SLC30A8: variants seen among roughly 807,000 people sequenced by gnomAD.
SLC30A8 encodes the protein solute carrier family 30 member 8, also known as proton-coupled zinc antiporter SLC30A8.
A neutral mutation model predicts 36.9 loss-of-function variants in SLC30A8; 27 were observed. The observed-to-expected ratio is 0.73, with a 90% CI of 0.54 to 1.01. The LOEUF is 1.01. SLC30A8 is among the 50% of genes least tolerant of loss of function. SLC30A8 has a pLI of 0.00. For synonymous variants in SLC30A8, 164 were observed against 172.4 expected, an observed-to-expected ratio of 0.95 and a Z score of 0.38; for missense variants, 439 against 452.0, an observed-to-expected ratio of 0.97 and a Z score of 0.26.
intron 2 of SLC30A8, among the ~76,000 whole-genome samples, chr8:117,058,089 G>A (rs1817924156): frequency 6.6e-6 from 1 of 152,122 alleles, no homozygotes; most frequent in Admixed American, 6.5e-5. Context: ...ACCCTAACAG[G>A]TGCAAGAAGA....
chr8:117,030,435 T>C (rs1817007527), intron 1 of SLC30A8, among the ~76,000 whole-genome samples: 1 of 152,168 alleles, frequency 6.6e-6, no homozygotes, highest in Non-Finnish European at 1.5e-5. Context: ...ATCTTTCTCT[T>C]TGTGTAAATT....
chr8:117,058,272 A>T (rs888058621), intron 2 of SLC30A8, among the ~76,000 whole-genome samples: 7 of 152,082 alleles, frequency 4.6e-5, no homozygotes, highest in African/African-American at 1.4e-4. Context: ...AATTCCTTAT[A>T]TATTTTGCAT....
chr8:116,972,185 C>T (rs1218403399), intron 1 of SLC30A8, among the ~76,000 whole-genome samples: 1 of 152,198 alleles, frequency 6.6e-6, no homozygotes, highest in Non-Finnish European at 1.5e-5. Context: ...ACACCTCACC[C>T]TCTAACCATT....
At chr8:117,043,945 T>A (rs1666693480) in intron 2 of SLC30A8, among the ~76,000 whole-genome samples, 1 of 152,338 alleles carries the variant, frequency 6.6e-6, no homozygotes, top group Non-Finnish European at 1.5e-5. Context: ...GTAAACTAAG[T>A]CAGATGGAGA....
At chr8:117,087,067 CAT>C (rs1280236067) in intron 2 of SLC30A8, among the ~76,000 whole-genome samples, 6 of 152,322 alleles carry the variant, frequency 3.9e-5, no homozygotes, top group East Asian at 1.9e-4. Context: ...CTATGGAAAA[CAT>C]ATTCTAACAC....
intron 2 of SLC30A8, among the ~76,000 whole-genome samples, chr8:117,046,971 T>C (rs894650821): frequency 6.6e-6 from 1 of 152,256 alleles, no homozygotes; most frequent in Non-Finnish European, 1.5e-5. Flanking sequence ...CTCATTTGTT[T>C]GTTTGAATGT....
intron 2 of SLC30A8, among the ~76,000 whole-genome samples, chr8:117,040,794 C>T (rs1817359524): frequency 6.6e-6 from 1 of 152,092 alleles, no homozygotes; most frequent in Non-Finnish European, 1.5e-5. Context: ...AAAGTGTAAT[C>T]CATGAACCAG....
At chr8:117,076,307 T>G (rs573363207) in intron 2 of SLC30A8, among the ~76,000 whole-genome samples, 1 of 152,316 alleles carries the variant, frequency 6.6e-6, no homozygotes, top group Non-Finnish European at 1.5e-5. Flanking sequence ...AGAAGTCTAT[T>G]TTTCTGTATT....
intron 2 of SLC30A8, among the ~76,000 whole-genome samples, chr8:117,077,887 T>G (rs1178731893): frequency 6.6e-6 from 1 of 152,228 alleles, no homozygotes; most frequent in Non-Finnish European, 1.5e-5. Context: ...AAACTTGGTT[T>G]TTGATATGGA....
intron 1 of SLC30A8, among the ~76,000 whole-genome samples, chr8:117,000,782 G>A (rs973337982): frequency 2.6e-5 from 4 of 152,138 alleles, no homozygotes; most frequent in Admixed American, 2.6e-4. Context: ...AAATCTTGAC[G>A]TTACTACACG....
upstream of SLC30A8, among the ~76,000 whole-genome samples, chr8:117,131,846 T>G (rs1216405944): frequency 6.6e-6 from 1 of 152,004 alleles, no homozygotes; most frequent in Non-Finnish European, 1.5e-5. Context: ...CTCTGTAAGA[T>G]GGATTCGATT....
chr8:117,051,657 C>T (rs915243797), intron 2 of SLC30A8, among the ~76,000 whole-genome samples: 2 of 151,872 alleles, frequency 1.3e-5, no homozygotes, highest in South Asian at 2.1e-4. Context: ...ACTAAAAATA[C>T]AAAAAATTAG....
intron 2 of SLC30A8, among the ~76,000 whole-genome samples, chr8:117,118,319 C>A (rs1820542858): frequency 6.6e-6 from 1 of 151,882 alleles, no homozygotes; most frequent in Non-Finnish European, 1.5e-5. Flanking sequence ...TTCTCTTCAA[C>A]TTTTGACATA....
chr8:117,114,830 G>A (rs1277015441), intron 2 of SLC30A8, among the ~76,000 whole-genome samples: 1 of 152,080 alleles, frequency 6.6e-6, no homozygotes, highest in Admixed American at 6.6e-5. Flanking sequence ...AAATGGGAAT[G>A]TAGAGATCTG....
At chr8:117,020,816 C>T (rs1187750665) in intron 1 of SLC30A8, among the ~76,000 whole-genome samples, 1 of 152,068 alleles carries the variant, frequency 6.6e-6, no homozygotes, top group Non-Finnish European at 1.5e-5. Flanking sequence ...AACGTTATGA[C>T]CCTTCTCTCT....
At chr8:117,040,140 G>T (rs1010316458) in intron 2 of SLC30A8, among the ~76,000 whole-genome samples, 2 of 152,300 alleles carry the variant, frequency 1.3e-5, no homozygotes. Flanking sequence ...GTCTTCAGAG[G>T]TCATTTTCCT....
chr8:117,125,086 G>A (rs1244021677), intron 2 of SLC30A8, among the ~76,000 whole-genome samples: 1 of 151,954 alleles, frequency 6.6e-6, no homozygotes, highest in Non-Finnish European at 1.5e-5. Context: ...AAAATAATTT[G>A]ATATGCATCT....
intron 1 of SLC30A8, among the ~76,000 whole-genome samples, chr8:116,957,254 C>T (rs1814243574): frequency 6.6e-6 from 1 of 151,988 alleles, no homozygotes; most frequent in African/African-American, 2.4e-5. Flanking sequence ...TTATGGGCAG[C>T]ACCATTCTTT....
chr8:117,161,653 C>A, intron 4 of SLC30A8, 85 bp from the exon 5 acceptor site: 2 of 1,297,798 alleles, frequency 1.5e-6, no homozygotes, highest in Non-Finnish European at 1.1e-6. Flanking sequence ...TTGGATAATG[C>A]ATGTTATTGC....
Sources: gnomAD v4.1 joint callset for allele counts (sites outside exome capture counted in the v4.1 genomes callset) on GRCh38, gnomAD v4.1.1 for gene constraint, MANE v1.5 for transcripts, NCBI Gene and HGNC (gene_info 2026-07-23, HGNC 2026-07-21) for gene names.